Variants in PDE4D observed in about 807,000 individuals in gnomAD.
The protein encoded by PDE4D is phosphodiesterase 4D, also known as 3',5'-cyclic-AMP phosphodiesterase 4D.
In PDE4D, 24 loss-of-function variants were observed where a neutral mutation model predicts 87.4. The ratio of observed to expected loss-of-function variants is 0.27; its 90% CI spans 0.20 to 0.39. PDE4D has a LOEUF of 0.39. PDE4D is among the 10% of genes least tolerant of loss of function. The probability of loss-of-function intolerance (pLI) is 1.00; values close to 1 mark genes in which losing one functional copy is unlikely to be tolerated. For synonymous variants in PDE4D, 384 were observed against 383.2 expected (o/e 1.00, Z -0.02); for missense variants, 714 against 1,041.0 (o/e 0.69, Z 4.32).
chr5:59,215,552 C>CCTGT, intron 2 of PDE4D: 1 of 363,214 alleles, frequency 2.8e-6, no homozygotes, highest in Non-Finnish European at 4.9e-6. Context: ...TAAATACATG[C>CCTGT]GTGTGTGTGT....
At chr5:60,230,777 T>C (rs562217418) in intron 1 of PDE4D, among the ~76,000 whole-genome samples, 4 of 152,260 alleles carry the variant, frequency 2.6e-5, no homozygotes, top group South Asian at 2.1e-4. Context: ...ACAATCTTCA[T>C]TGAGGAGTTT....
At chr5:60,197,029 A>ATAGATAGG (rs1741300715) in intron 1 of PDE4D, among the ~76,000 whole-genome samples, 2 of 80,020 alleles carry the variant, frequency 2.5e-5, no homozygotes, top group East Asian at 6.0e-4. Context: ...AGATAGATAG[A>ATAGATAGG]TAGATAGATA....
chr5:59,704,840 T>G (rs1218831319), intron 1 of PDE4D, among the ~76,000 whole-genome samples: 1 of 152,118 alleles, frequency 6.6e-6, no homozygotes, highest in Non-Finnish European at 1.5e-5. Context: ...CCAACTTACA[T>G]ACAAAATGGA....
chr5:60,312,726 TG>T (rs1755163492), intron 1 of PDE4D, among the ~76,000 whole-genome samples: 1 of 152,212 alleles, frequency 6.6e-6, no homozygotes, highest in Non-Finnish European at 1.5e-5. Flanking sequence ...AGGCAAGATT[TG>T]GGTGGGAACA....
chr5:59,065,415 G>C (rs1763785611), intron 5 of PDE4D, among the ~76,000 whole-genome samples: 1 of 152,078 alleles, frequency 6.6e-6, no homozygotes. Flanking sequence ...TATAACATAA[G>C]TATACAATCA....
At chr5:59,493,214 T>C (rs1806542642) in intron 1 of PDE4D, among the ~76,000 whole-genome samples, 1 of 152,180 alleles carries the variant, frequency 6.6e-6, no homozygotes. Flanking sequence ...AAAAAGACTA[T>C]TCTAAAAAGA....
intron 1 of PDE4D, among the ~76,000 whole-genome samples, chr5:60,299,975 A>G (rs1753749456): frequency 6.6e-6 from 1 of 152,204 alleles, no homozygotes; most frequent in African/African-American, 2.4e-5. Flanking sequence ...GAATCGCCAC[A>G]CTGTCTCCCA....
intron 1 of PDE4D, among the ~76,000 whole-genome samples, chr5:60,273,481 G>A (rs1308170435): frequency 6.6e-6 from 1 of 152,166 alleles, no homozygotes; most frequent in Non-Finnish European, 1.5e-5. Flanking sequence ...AGCTACTAAA[G>A]AGTTTTAGAT....
chr5:59,746,093 A>AT (rs544552330), intron 1 of PDE4D, among the ~76,000 whole-genome samples: 250 of 152,256 alleles, frequency 1.6e-3, no homozygotes, highest in African/African-American at 5.6e-3. Context: ...CAATATATAT[A>AT]TTTTTTCAAA....
intron 1 of PDE4D, among the ~76,000 whole-genome samples, chr5:59,553,136 A>C (rs989134220): frequency 6.6e-6 from 1 of 152,152 alleles, no homozygotes; most frequent in East Asian, 1.9e-4. Flanking sequence ...GGAAATATAT[A>C]TATTTTTGCA....
Position 59,201,818 on chromosome 5 carries a change from T to A in PDE4D, c.648-8282A>T, listed in dbSNP as rs1486727530. The stretch of plus-strand genomic sequence containing the variant: ...AAATAATCTATTTAACACAAAAACT[T>A]GTATTAAAAATCACAACTACCAAAA... On this transcript the variant is annotated intron_variant, in intron 2 of 14. Transcript: ENST00000340635. Among the ~76,000 whole-genome samples the A allele has an allele frequency of 2.0e-5, 3 of 152,120 alleles. No individual in the cohort carries two copies. In the East Asian group the frequency reaches 5.8e-4, roughly 29 times the overall value.
intron 1 of PDE4D, among the ~76,000 whole-genome samples, chr5:60,313,258 G>T (rs557885966): frequency 1.3e-5 from 2 of 151,956 alleles, no homozygotes; most frequent in East Asian, 3.9e-4. Context: ...TATTACCATC[G>T]ACCCAACAGA....
At chr5:60,312,555 T>C (rs1163821343) in intron 1 of PDE4D, among the ~76,000 whole-genome samples, 1 of 152,158 alleles carries the variant, frequency 6.6e-6, no homozygotes, top group Non-Finnish European at 1.5e-5. Flanking sequence ...GGCGGCAGGA[T>C]GGAGTGAGTG....
chr5:59,751,127 TAGAGA>T, intron 1 of PDE4D, among the ~76,000 whole-genome samples: 1 of 152,166 alleles, frequency 6.6e-6, no homozygotes, highest in South Asian at 2.1e-4. Context: ...AGTGATAAAA[TAGAGA>T]AAATTACCTT....
At chr5:60,262,209 C>T (rs145049215) in intron 1 of PDE4D, among the ~76,000 whole-genome samples, 44 of 152,278 alleles carry the variant, frequency 2.9e-4, no homozygotes, top group African/African-American at 8.4e-4. Flanking sequence ...GGTTAGTCAA[C>T]TACACCTGAG....
chr5:59,841,154 G>A (rs796190734), intron 1 of PDE4D, among the ~76,000 whole-genome samples: 32 of 152,158 alleles, frequency 2.1e-4, no homozygotes, highest in African/African-American at 7.7e-4. Context: ...AGTAAATGAA[G>A]GACAGTGGGG....
rs534597515 is a variant in PDE4D at position 59,189,684 on chromosome 5, C to T, written c.684+3816G>A. Among the ~76,000 whole-genome samples the T allele has an allele frequency of 3.3e-5, 5 of 152,254 alleles. No homozygotes were observed. In the South Asian group the frequency reaches 1.0e-3, roughly 32 times the overall value. ...GCCAAGAAAAAAAGGTCAGTTGCCG[C>T]GTGCACTCCAGTGGGATTCCTCTCT... is the stretch of plus-strand genomic sequence containing the variant. On this transcript the variant is annotated intron_variant, in intron 3 of 14. Coordinates refer to ENST00000340635, the MANE Select transcript of PDE4D (RefSeq NM_001104631.2).
At chr5:59,882,418 T>TA (rs2152746803) in intron 1 of PDE4D, among the ~76,000 whole-genome samples, 1 of 152,304 alleles carries the variant, frequency 6.6e-6, no homozygotes, top group South Asian at 2.1e-4. Context: ...TTTAATGATT[T>TA]AAAAATGCTT....
chr5:59,904,043 G>A (rs2152764543), intron 3 of PDE4D, among the ~76,000 whole-genome samples: 1 of 152,172 alleles, frequency 6.6e-6, no homozygotes. Flanking sequence ...ATAGGACTTT[G>A]CAGAAATTAC....
Sources: allele counts gnomAD v4.1 joint callset (sites outside exome capture counted in the v4.1 genomes callset), GRCh38; gene constraint gnomAD v4.1.1; transcripts MANE v1.5; gene names NCBI Gene and HGNC (gene_info 2026-07-23, HGNC 2026-07-21).